RAB3GAP2: variants seen among roughly 807,000 people sequenced by gnomAD.
The protein encoded by RAB3GAP2 is RAB3 GTPase activating non-catalytic protein subunit 2.
Under a neutral mutation model 185.3 loss-of-function variants are expected in RAB3GAP2, and 87 were observed. The ratio of observed to expected loss-of-function variants is 0.47; its 90% CI spans 0.39 to 0.56. RAB3GAP2 has a LOEUF of 0.56. Among genes scored for constraint, RAB3GAP2 ranks in the 20% least tolerant of loss-of-function variants. The pLI is 0.00. For missense variants in RAB3GAP2, 1,492 were observed against 1,638.2 expected, an observed-to-expected ratio of 0.91 and a Z score of 1.54; for synonymous variants, 554 against 576.1, an observed-to-expected ratio of 0.96 and a Z score of 0.55.
At chr1:220,210,362 T>C (rs752941624) in intron 7 of RAB3GAP2, 26 bp downstream of exon 7, 16 of 1,548,154 alleles carry the variant, frequency 1.0e-5, no homozygotes, top group African/African-American at 2.7e-5. Context: ...CCACTGTTAC[T>C]GTTGGAACAC....
chr1:220,151,169 A>G lies in RAB3GAP2; in HGVS notation c.*82T>C, dbSNP rs994458938. On this transcript the variant is annotated 3_prime_UTR_variant, in exon 35 of 35. Transcript: ENST00000358951. Reference sequence around the variant, plus strand: ...AAAAAAGACATACTTTTCCCATAAAATTCCAGGTCTTACTATGTAAAATAA... The same window carrying G: ...AAAAAAGACATACTTTTCCCATAAAGTTCCAGGTCTTACTATGTAAAATAA... The G allele has an allele frequency of 2.2e-6, 3 of 1,391,720 alleles. No individual in the cohort carries two copies. Among genetic ancestry groups the G allele is most frequent in the Middle Eastern group, 2.5e-4 (1 of 3,936 alleles). The allele number at this position is 1,391,720 out of a possible 1,614,324, so 86.2% of individuals were successfully genotyped here. A position where few individuals can be genotyped will look rare whatever the true frequency, so the allele number is the denominator to read the frequency against.
At chr1:220,174,696 T>C (rs1658254258) in intron 21 of RAB3GAP2, among the ~76,000 whole-genome samples, 1 of 152,210 alleles carries the variant, frequency 6.6e-6, no homozygotes, top group African/African-American at 2.4e-5. Flanking sequence ...ATAATGACAA[T>C]GTTAACAACA....
intron 2 of RAB3GAP2, among the ~76,000 whole-genome samples, chr1:220,216,104 G>T (rs1028929452): frequency 6.6e-6 from 1 of 152,010 alleles, no homozygotes. Flanking sequence ...ACCCCAAAAT[G>T]AGCCTGAAAC....
chr1:220,177,942 C>G (rs982300573), intron 21 of RAB3GAP2, among the ~76,000 whole-genome samples: 3 of 152,048 alleles, frequency 2.0e-5, no homozygotes, highest in African/African-American at 7.2e-5. Context: ...TATACAGGTA[C>G]AGGAAGGTCA....
intron 1 of RAB3GAP2, among the ~76,000 whole-genome samples, chr1:220,262,709 C>A (rs1660162417): frequency 6.6e-6 from 1 of 152,202 alleles, no homozygotes; most frequent in Non-Finnish European, 1.5e-5. Flanking sequence ...TTTATCCATT[C>A]ATCCATCGAT....
intron 10 of RAB3GAP2, 109 bp downstream of exon 10, chr1:220,196,141 A>G: frequency 8.0e-7 from 1 of 1,254,584 alleles, no homozygotes; most frequent in Non-Finnish European, 1.1e-6. Context: ...GAAATTTAGA[A>G]ATGTAAACTG....
chr1:220,236,801 C>A (rs769541464), intron 1 of RAB3GAP2, among the ~76,000 whole-genome samples: 1 of 151,884 alleles, frequency 6.6e-6, no homozygotes, highest in Non-Finnish European at 1.5e-5. Context: ...GGATGGTATT[C>A]TTTAATCAAT....
chr1:220,190,203 T>C, intron 15 of RAB3GAP2, 57 bp from the exon 16 acceptor site: 1 of 1,534,738 alleles, frequency 6.5e-7, no homozygotes, highest in African/African-American at 1.4e-5. Context: ...TCTTTCTAAT[T>C]CTGACACACT....
At chr1:220,183,319 G>A (rs753311197) in intron 19 of RAB3GAP2, among the ~76,000 whole-genome samples, 3 of 151,504 alleles carry the variant, frequency 2.0e-5, no homozygotes, top group Non-Finnish European at 4.4e-5. Flanking sequence ...CACAATCATG[G>A]TTCACTGCAG....
At chr1:220,193,495 G>T in intron 12 of RAB3GAP2, 116 bp from the exon 13 acceptor site, 3 of 968,582 alleles carry the variant, frequency 3.1e-6, no homozygotes, top group South Asian at 1.6e-5. Context: ...AAAGAAATAT[G>T]AATTTTACCT....
chr1:220,223,888 G>A (rs991940676), intron 2 of RAB3GAP2, among the ~76,000 whole-genome samples: 2 of 148,054 alleles, frequency 1.4e-5, no homozygotes, highest in African/African-American at 5.0e-5. Context: ...AACATGGTAA[G>A]ACCCCATCTG....
Position 220,202,402 on chromosome 1 carries a change from AACTTATTATGGAT to A in RAB3GAP2, c.713-41_713-29del, listed in dbSNP as rs756120240. 4 of 1,592,788 alleles carry A rather than the reference AACTTATTATGGAT, an allele frequency of 2.5e-6. No individual in the cohort carries two copies. The South Asian group carries it at 4.4e-5, about 18-fold the overall frequency. Reference sequence around the variant, plus strand: ...ACCAAAGATAAAATAAGACAATCCAAACTTATTATGGATAAAATGAAGTTTTACAAAAAAACAT... The same window carrying A: ...ACCAAAGATAAAATAAGACAATCCAAAAAATGAAGTTTTACAAAAAAACAT... On this transcript the variant is annotated intron_variant, in intron 8 of 34. Coordinates refer to ENST00000358951, the MANE Select transcript of RAB3GAP2 (RefSeq NM_012414.4).
chr1:220,205,975 G>T lies in RAB3GAP2; in HGVS notation c.644C>A (p.Ala215Asp), dbSNP rs1658956450. 6.2e-7 allele frequency: 1 copy of T among 1,609,862 alleles called. No homozygotes were observed. The highest frequency in any genetic ancestry group is 1.3e-5 in the African/African-American group (1 of 74,840). Residue 215 changes from alanine to aspartate, a missense_variant, in exon 8 of 35, where the codon GCC (alanine) becomes GAC (aspartate). Transcript: ENST00000358951. ...GCTAAATCCATCAATAGTCACAATGGCAGCTGGATATAAGATACTCAACTC... is the reference window on the plus strand; with the variant it reads ...GCTAAATCCATCAATAGTCACAATGTCAGCTGGATATAAGATACTCAACTC... The part of the protein sequence containing the change: ...NEELSILYPA[A>D]IVTIDGFSLF...
chr1:220,192,514 G>C (rs966093688), intron 13 of RAB3GAP2, among the ~76,000 whole-genome samples: 1 of 152,166 alleles, frequency 6.6e-6, no homozygotes, highest in Non-Finnish European at 1.5e-5. Context: ...CTAGTTAAAA[G>C]ATATTTTCAA....
chr1:220,266,681 G>A, intron 1 of RAB3GAP2: 1 of 1,548,498 alleles, frequency 6.5e-7, no homozygotes, highest in Non-Finnish European at 8.9e-7. Context: ...CCTGGCTCAA[G>A]GATTTCTCCC....
intron 17 of RAB3GAP2, among the ~76,000 whole-genome samples, chr1:220,189,018 A>T (rs1027153821): frequency 1.3e-5 from 2 of 152,120 alleles, no homozygotes; most frequent in Non-Finnish European, 2.9e-5. Flanking sequence ...CACAGGAATG[A>T]CGTAACTATA....
chr1:220,176,655 T>G (rs187737607), intron 21 of RAB3GAP2, among the ~76,000 whole-genome samples: 2 of 152,030 alleles, frequency 1.3e-5, no homozygotes, highest in African/African-American at 4.8e-5. Context: ...CAGCTCAGAG[T>G]TGCTTGCATA....
chr1:220,203,333 G>A (rs1431686470), intron 8 of RAB3GAP2, among the ~76,000 whole-genome samples: 1 of 152,174 alleles, frequency 6.6e-6, no homozygotes, highest in African/African-American at 2.4e-5. Flanking sequence ...ATATTGCTGA[G>A]TTCTGGCTGT....
chr1:220,234,245 T>C (rs12409065), intron 1 of RAB3GAP2, among the ~76,000 whole-genome samples: 36,039 of 151,780 alleles, frequency 0.24, 4,581 homozygotes, highest in East Asian at 0.36. Context: ...AAATAAAATA[T>C]TATATTTAAG....
Sources: gnomAD v4.1 joint callset for allele counts (sites outside exome capture counted in the v4.1 genomes callset) on GRCh38, gnomAD v4.1.1 for gene constraint, MANE v1.5 for transcripts, NCBI Gene and HGNC (gene_info 2026-07-23, HGNC 2026-07-21) for gene names.